Variants in SF3B1 observed in about 807,000 individuals in gnomAD.
SF3B1 encodes splicing factor 3b subunit 1, also known as pre-mRNA processing 10.
A neutral mutation model predicts 153.8 loss-of-function variants in SF3B1; 12 were observed. The ratio of observed to expected loss-of-function variants is 0.08; its 90% CI spans 0.05 to 0.13. SF3B1 has a LOEUF of 0.13. Among genes scored for constraint, SF3B1 ranks in the 10% least tolerant of loss-of-function variants. The pLI is 1.00. For synonymous variants in SF3B1, 498 were observed against 525.2 expected, an observed-to-expected ratio of 0.95 and a Z score of 0.71; for missense variants, 513 against 1,606.1, an observed-to-expected ratio of 0.32 and a Z score of 11.63.
chr2:197,407,789 T>C (rs2085014028), intron 9 of SF3B1: 1 of 447,034 alleles, frequency 2.2e-6, no homozygotes, highest in Admixed American at 3.6e-5. Context: ...ACACAAGTCT[T>C]TGAGATGTCT....
intron 4 of SF3B1, 164 bp from the exon 5 acceptor site, chr2:197,418,752 T>C: frequency 6.9e-7 from 1 of 1,458,690 alleles, no homozygotes; most frequent in Non-Finnish European, 9.0e-7. Flanking sequence ...TTTATTGAGT[T>C]TGCTGATCAA....
chr2:197,422,847 A>G (rs1049669202), intron 2 of SF3B1, among the ~76,000 whole-genome samples: 1 of 151,896 alleles, frequency 6.6e-6, no homozygotes, highest in African/African-American at 2.4e-5. Context: ...CCAAGATTGC[A>G]CCACTGCATT....
chr2:197,394,419 A>C (rs944265817), intron 23 of SF3B1, among the ~76,000 whole-genome samples: 1 of 152,220 alleles, frequency 6.6e-6, no homozygotes, highest in African/African-American at 2.4e-5. Flanking sequence ...GTAAAGTTTA[A>C]GTTTCATTCA....
intron 20 of SF3B1, 111 bp from the exon 21 acceptor site, chr2:197,398,692 G>T: frequency 9.9e-7 from 1 of 1,012,162 alleles, no homozygotes; most frequent in Non-Finnish European, 1.4e-6. Flanking sequence ...ACTTACAGCT[G>T]CCTAGGGAAA....
At chr2:197,398,751 T>G in intron 20 of SF3B1, 170 bp from the exon 21 acceptor site, 1 of 625,910 alleles carries the variant, frequency 1.6e-6, no homozygotes. Flanking sequence ...TTAACTTTTA[T>G]TAACAATTTT....
chr2:197,403,681 A>G lies in SF3B1; in HGVS notation c.1623T>C (p.Ser541=), dbSNP rs574358524. The G allele has an allele frequency of 6.3e-7, 1 of 1,599,650 alleles. No homozygotes were observed. The highest frequency in any genetic ancestry group is 8.5e-7 in the Non-Finnish European group (1 of 1,175,658). The change falls in exon 12 of 25, where the codon TCT becomes TCC. Residue 541 remains serine (S), a synonymous_variant. Coordinates refer to ENST00000335508, the MANE Select transcript of SF3B1 (RefSeq NM_012433.4). ...GACGCTCTTGATCCTCAAGTGTAGG[A>G]GACATCAGCAGAGGAAGAATCTGAT... ...LFNQILPLLM[S]PTLEDQERHL...
At chr2:197,414,900 G>C (rs1559271938) in intron 6 of SF3B1, among the ~76,000 whole-genome samples, 1 of 151,960 alleles carries the variant, frequency 6.6e-6, no homozygotes, top group Non-Finnish European at 1.5e-5. Flanking sequence ...TCTACTTGGG[G>C]GGTTGAGGTG....
chr2:197,427,773 C>G (rs2085357590), intron 1 of SF3B1, among the ~76,000 whole-genome samples: 1 of 152,138 alleles, frequency 6.6e-6, no homozygotes, highest in Non-Finnish European at 1.5e-5. Flanking sequence ...GTAATCCCAG[C>G]ACTTTGGGAG....
At chr2:197,398,865 G>T in intron 20 of SF3B1, 1 of 481,206 alleles carries the variant, frequency 2.1e-6, no homozygotes, top group African/African-American at 2.0e-5. Flanking sequence ...TTTGTGCACT[G>T]ACATTTAAAT....
At position 197,421,113 on chromosome 2, in the gene SF3B1, T is replaced by A; in HGVS notation, c.216A>T (p.Ser72=). 6.2e-7 allele frequency: 1 copy of A among 1,612,822 alleles called. No homozygotes were observed. Among genetic ancestry groups the A allele is most frequent in the Non-Finnish European group, 8.5e-7 (1 of 1,179,110 alleles). Residue 72 remains serine, a synonymous_variant, in exon 3 of 25, where the codon TCA becomes TCT. Coordinates refer to ENST00000335508, the MANE Select transcript of SF3B1 (RefSeq NM_012433.4). ...TCTTCTGACCAAGCAAACTCGTAGA[T>A]GATGAATAGTCATCGTCATCCTGCA... ...ELEDDDDDYS[S]STSLLGQKKP... is the part of the protein sequence containing the mutation.
chr2:197,407,514 A>G (rs1191149819), intron 9 of SF3B1, among the ~76,000 whole-genome samples: 2 of 151,838 alleles, frequency 1.3e-5, no homozygotes, highest in Non-Finnish European at 2.9e-5. Context: ...CTCAGGCAAG[A>G]GAATCGCTTA....
chr2:197,392,230 G>T lies in SF3B1; in HGVS notation c.*73C>A. ...CTACACTGATCTGCAATGTTTAAAA[G>T]TTTACATCACCAAATCAAAGCAAGT... is the stretch of plus-strand genomic sequence containing the variant. On this transcript the variant is annotated 3_prime_UTR_variant, in exon 25 of 25. Coordinates refer to ENST00000335508, the MANE Select transcript of SF3B1 (RefSeq NM_012433.4). The T allele has an allele frequency of 1.4e-6, 1 of 695,970 alleles. No individual in the cohort carries two copies. The allele number at this position is 695,970 out of a possible 1,614,324, so 43.1% of individuals were successfully genotyped here. A position where few individuals can be genotyped will look rare whatever the true frequency, so the allele number is the denominator to read the frequency against.
At chr2:197,422,761 G>C (rs1443501734) in intron 2 of SF3B1, among the ~76,000 whole-genome samples, 3 of 151,716 alleles carry the variant, frequency 2.0e-5, no homozygotes, top group Non-Finnish European at 4.4e-5. Flanking sequence ...TTGGTGGCAG[G>C]CATCTGTAGT....
In SF3B1 at chr2:197,407,980, TCAAATTTGATGTA is replaced by T; in HGVS notation, c.1239+5_1239+17del. On this transcript the variant is annotated splice_donor_5th_base_variant and intron_variant, in intron 9 of 24. Transcript: ENST00000335508. ...ATGTATATCCTAAATACCACCTCAT[TCAAATTTGATGTA>T]CTACCTTATATCCTTCTGGGAACAT... 6.2e-7 allele frequency: 1 copy of T among 1,606,706 alleles called. No homozygotes were observed. Among genetic ancestry groups the T allele is most frequent in the East Asian group, 2.2e-5 (1 of 44,784 alleles).
In SF3B1 at chr2:197,418,253, A is replaced by C. The variant is rs1388707354; in HGVS notation, c.495+256T>G. Among the ~76,000 whole-genome samples the C allele has an allele frequency of 2.1e-5, 3 of 145,462 alleles. No individual in the cohort carries two copies. In the East Asian group the frequency reaches 6.0e-4, roughly 29 times the overall value. On this transcript the variant is annotated intron_variant, in intron 5 of 24. Transcript: ENST00000335508. ...TGTGTCCAAAAAAAAAAAAAAAAAA[A>C]AAAAAAAAAAATCCCTTGTGAGACA... is the stretch of plus-strand genomic sequence containing the variant.
At chr2:197,433,380 C>G (rs1047291137) in intron 1 of SF3B1, among the ~76,000 whole-genome samples, 5 of 152,134 alleles carry the variant, frequency 3.3e-5, no homozygotes, top group Non-Finnish European at 5.9e-5. Context: ...TCTGATTTTC[C>G]TGTCTGAGGG....
chr2:197,409,824 C>A lies in SF3B1; in HGVS notation c.850G>T (p.Ala284Ser). 1 of 1,614,026 alleles carries A rather than the reference C, an allele frequency of 6.2e-7. No homozygotes were observed. Among genetic ancestry groups the A allele is most frequent in the South Asian group, 1.1e-5 (1 of 91,074 alleles). The change falls in exon 7 of 25, where the codon GCA (alanine) becomes TCA (serine). Residue 284 changes from alanine (A) to serine (S), a missense_variant. Physicochemically the swap from Ala to Ser is moderately conservative, Grantham distance 99. This residue lies in a region of SF3B1 where 91 missense variants were observed against 157.4 expected (regional missense o/e 0.58). Coordinates refer to ENST00000335508, the MANE Select transcript of SF3B1 (RefSeq NM_012433.4). ...CTGTTTTTACGAGCACTGGAAGTTG[C>A]GCCTCCATGGCCTGGTGTCGCATGG... ...PGHATPGHGG[A>S]TSSARKNRWD...
chr2:197,398,409 C>T lies in SF3B1; in HGVS notation c.3134+52G>A, dbSNP rs115789921. On this transcript the variant is annotated intron_variant, in intron 21 of 24. Coordinates refer to ENST00000335508, the MANE Select transcript of SF3B1 (RefSeq NM_012433.4). ...ATTTTGCTAATTGAATACAAAGTGG[C>T]CAAATTTGAAAATTGATACTGCTTA... The T allele has an allele frequency of 1.1e-3, 1,782 of 1,605,052 alleles. 21 individuals are homozygous for T. In the African/African-American group the frequency reaches 0.019, roughly 17 times the overall value.
chr2:197,414,881 A>G (rs892198450), intron 6 of SF3B1, among the ~76,000 whole-genome samples: 23 of 152,026 alleles, frequency 1.5e-4, no homozygotes, highest in Admixed American at 1.3e-3. Flanking sequence ...GTACGTGTCT[A>G]TAGTCCCATC....
Sources: gnomAD v4.1 joint callset for allele counts (sites outside exome capture counted in the v4.1 genomes callset) on GRCh38, gnomAD v4.1.1 for gene constraint, gnomAD v4.1.1 regional missense constraint, MANE v1.5 for transcripts, NCBI Gene and HGNC (gene_info 2026-07-23, HGNC 2026-07-21) for gene names.